WIPF3: variants seen among roughly 807,000 people sequenced by gnomAD.
WIPF3 encodes the protein WAS/WASL interacting protein family member 3, also known as WAS/WASL-interacting protein family member 3.
In WIPF3, 33 loss-of-function variants were observed where a neutral mutation model predicts 38.9. That is an observed-to-expected ratio of 0.85 (90% CI 0.64 to 1.14). WIPF3 has a LOEUF of 1.14. Among genes scored for constraint, WIPF3 ranks in the 50% most tolerant of loss-of-function variants. WIPF3 has a pLI of 0.00. For synonymous variants in WIPF3, 324 were observed against 269.3 expected (o/e 1.20, Z -1.99); for missense variants, 711 against 652.5 (o/e 1.09, Z -0.98).
intron 2 of WIPF3, among the ~76,000 whole-genome samples, chr7:29,836,014 T>C (rs1032846242): frequency 6.6e-6 from 1 of 152,234 alleles, no homozygotes; most frequent in Non-Finnish European, 1.5e-5. Flanking sequence ...GACATTCGTT[T>C]GGACACTGAC....
chr7:29,904,498 GT>G (rs1778564524), intron 8 of WIPF3, 136 bp downstream of exon 8: 3 of 751,996 alleles, frequency 4.0e-6, no homozygotes, highest in Middle Eastern at 5.2e-4. Flanking sequence ...AAGCCATTTG[GT>G]GGACCTTTTT....
intron 2 of WIPF3, among the ~76,000 whole-genome samples, chr7:29,845,030 CTTTT>C (rs780163235): frequency 7.2e-6 from 1 of 139,074 alleles, no homozygotes. Context: ...GTTTTCTTTC[CTTTT>C]TTTTTTTTTT....
intron 5 of WIPF3, among the ~76,000 whole-genome samples, chr7:29,885,181 A>G (rs1172705290): frequency 6.6e-6 from 1 of 152,236 alleles, no homozygotes; most frequent in African/African-American, 2.4e-5. Context: ...TTTTGAGCCA[A>G]ATATTAAAAA....
chr7:29,811,438 C>G (rs1242219473), intron 1 of WIPF3, among the ~76,000 whole-genome samples: 1 of 152,070 alleles, frequency 6.6e-6, no homozygotes, highest in African/African-American at 2.4e-5. Flanking sequence ...GAGATAAAAT[C>G]AGAGGTAATT....
At chr7:29,845,005 C>T (rs1193437186) in intron 2 of WIPF3, among the ~76,000 whole-genome samples, 1 of 151,770 alleles carries the variant, frequency 6.6e-6, no homozygotes, top group Non-Finnish European at 1.5e-5. Context: ...CTCCAAGCTG[C>T]CTCCTGAGAT....
intron 2 of WIPF3, among the ~76,000 whole-genome samples, chr7:29,862,837 AT>A (rs951810793): frequency 6.6e-6 from 1 of 151,290 alleles, no homozygotes; most frequent in Admixed American, 6.6e-5. Flanking sequence ...CTTCCTCCTT[AT>A]TTTTTTTATC....
Position 29,895,684 on chromosome 7 carries a change from G to A in WIPF3, c.1351+6277G>A, listed in dbSNP as rs560113677. Among the ~76,000 whole-genome samples, 5 of 152,348 alleles carry A rather than the reference G, an allele frequency of 3.3e-5. No homozygotes were observed. In the East Asian group the frequency reaches 7.7e-4, roughly 23 times the overall value. On this transcript the variant is annotated intron_variant, in intron 7 of 8. Transcript: ENST00000242140. Reference sequence around the variant, plus strand: ...GAAGCCTCAGGGAGCATCCAGTCATGGTGGAAGGCGAATGAGGAGCACTTG... The same window carrying A: ...GAAGCCTCAGGGAGCATCCAGTCATAGTGGAAGGCGAATGAGGAGCACTTG...
Position 29,883,922 on chromosome 7 carries a change from C to G in WIPF3, c.428C>G (p.Pro143Arg). 1 of 1,569,300 alleles carries G rather than the reference C, an allele frequency of 6.4e-7. No individual in the cohort carries two copies. The highest frequency in any genetic ancestry group is 1.2e-5 in the South Asian group (1 of 85,808). Residue 143 changes from proline (P) to arginine (R), a missense_variant, in exon 5 of 9, where the codon CCG becomes CGG. Pro to Arg is a moderately radical substitution (Grantham distance 103, BLOSUM62 -2). Coordinates refer to ENST00000242140, the MANE Select transcript of WIPF3 (RefSeq NM_001080529.3). ...PRLPNKTISG[P>R]LIPPASPRLG... is the part of the protein sequence containing the mutation. ...CTTCCCAACAAAACCATCAGCGGCC[C>G]GCTTATCCCGCCTGCCTCTCCCAGG... is the stretch of plus-strand genomic sequence containing the variant.
At chr7:29,816,521 G>A (rs565780954) in intron 1 of WIPF3, among the ~76,000 whole-genome samples, 3 of 152,012 alleles carry the variant, frequency 2.0e-5, no homozygotes, top group African/African-American at 7.2e-5. Context: ...TAGAGATAGG[G>A]ACCTGCTTTG....
At chr7:29,842,724 C>CT (rs1784932568) in intron 2 of WIPF3, among the ~76,000 whole-genome samples, 1 of 151,916 alleles carries the variant, frequency 6.6e-6, no homozygotes. Context: ...CTCATGAGAG[C>CT]TTTTTTTGGA....
At chr7:29,887,375 T>G (rs1470666244) in intron 5 of WIPF3, among the ~76,000 whole-genome samples, 1 of 152,220 alleles carries the variant, frequency 6.6e-6, no homozygotes, top group African/African-American at 2.4e-5. Flanking sequence ...GTGGAACCCC[T>G]GCACTGATGT....
rs531070400 is a variant in WIPF3 at position 29,895,013 on chromosome 7, G to A, written c.1351+5606G>A. On this transcript the variant is annotated intron_variant, in intron 7 of 8. Coordinates refer to ENST00000242140, the MANE Select transcript of WIPF3 (RefSeq NM_001080529.3). ...TTTGCCTAGGCTGGAGTGCAGTGGC[G>A]TGATCTCGGCTCACTACAACCTCTG... Among the ~76,000 whole-genome samples, 254 of 151,848 alleles carry A rather than the reference G, an allele frequency of 1.7e-3. 2 individuals carry two copies. The highest frequency in any genetic ancestry group is 5.8e-3 in the African/African-American group (240 of 41,402).
intron 7 of WIPF3, among the ~76,000 whole-genome samples, chr7:29,895,413 A>C (rs1396883325): frequency 6.6e-6 from 1 of 152,226 alleles, no homozygotes; most frequent in Non-Finnish European, 1.5e-5. Flanking sequence ...CAATAGCTAA[A>C]AGGTGGAAAT....
Position 29,891,110 on chromosome 7 carries a change from C to T in WIPF3, c.1351+1703C>T, listed in dbSNP as rs1422498258. On this transcript the variant is annotated intron_variant, in intron 7 of 8. Transcript: ENST00000242140. ...CTTCCCTGTGCTCAGGTCGGGGGAACACGGGCCTGCCCTGTGCTCAGGTGG... is the reference window on the plus strand; with the variant it reads ...CTTCCCTGTGCTCAGGTCGGGGGAATACGGGCCTGCCCTGTGCTCAGGTGG... Among the ~76,000 whole-genome samples the T allele has an allele frequency of 1.6e-4, 17 of 105,830 alleles. 1 individual carries two copies. The highest frequency in any genetic ancestry group is 5.8e-4 in the African/African-American group (16 of 27,554). The allele number at this position is 105,830 out of a possible 152,430, so 69.4% of individuals were successfully genotyped here.
At position 29,879,083 on chromosome 7, in the gene WIPF3, G is replaced by A; in HGVS notation, c.298G>A (p.Asp100Asn). The A allele has an allele frequency of 6.2e-7, 1 of 1,611,986 alleles. No homozygotes were observed. Among genetic ancestry groups the A allele is most frequent in the South Asian group, 1.1e-5 (1 of 90,406 alleles). The change falls in exon 4 of 9, where the codon GAT becomes AAT. Residue 100 changes from aspartate (D) to asparagine (N), a missense_variant. By Grantham distance (23) the Asp-to-Asn change is conservative (BLOSUM62 1). Transcript: ENST00000242140. ...RGASTPPTLG[D>N]LFAGGFPVLR... ...CGCGAGCACACCTCCCACCCTGGGAGATCTGTTTGCTGGTGGCTTTCCTGT... is the reference window on the plus strand; with the variant it reads ...CGCGAGCACACCTCCCACCCTGGGAAATCTGTTTGCTGGTGGCTTTCCTGT...
chr7:29,900,908 G>A (rs1786262752), intron 7 of WIPF3, among the ~76,000 whole-genome samples: 1 of 152,158 alleles, frequency 6.6e-6, no homozygotes, highest in Non-Finnish European at 1.5e-5. Flanking sequence ...AGACGGTGTT[G>A]GCCCAGAGCT....
rs543878564 is a variant in WIPF3, at chr7:29,884,553, C to T, written c.1059C>T (p.Gly353=). 1.0e-5 allele frequency: 16 copies of T among 1,602,292 alleles called. No homozygotes were observed. Among genetic ancestry groups the T allele is most frequent in the Non-Finnish European group, 1.4e-5 (16 of 1,175,816 alleles). The part of the protein sequence containing the change: ...QALPAPPAPP[G]SQPFLQKKRH... ...TGCCCGCCCCGCCTGCCCCTCCGGG[C>T]TCCCAGCCGTTCCTGCAGAAGAAGA... The change falls in exon 5 of 9, where the codon GGC becomes GGT. Residue 353 remains glycine (G), a synonymous_variant. Transcript: ENST00000242140.
At chr7:29,913,002 T>C (rs1420213043) in intron 8 of WIPF3, among the ~76,000 whole-genome samples, 2 of 152,206 alleles carry the variant, frequency 1.3e-5, no homozygotes, top group African/African-American at 4.8e-5. Context: ...TGATGATTGG[T>C]TGCAAAACAT....
At chr7:29,909,313 T>A (rs557015610) in intron 8 of WIPF3, among the ~76,000 whole-genome samples, 1 of 151,746 alleles carries the variant, frequency 6.6e-6, no homozygotes, top group East Asian at 1.9e-4. Context: ...CAGAGATCAA[T>A]GAAATAGAGA....
Sources: allele counts gnomAD v4.1 joint callset (sites outside exome capture counted in the v4.1 genomes callset), GRCh38; gene constraint gnomAD v4.1.1; transcripts MANE v1.5; gene names NCBI Gene and HGNC (gene_info 2026-07-23, HGNC 2026-07-21).